The following FOCAD variants were observed in gnomAD, a reference collection of about 807,000 sequenced individuals.
The protein encoded by FOCAD is KIAA1797.
In FOCAD, 198 loss-of-function variants were observed where a neutral mutation model predicts 225.6. The ratio of observed to expected loss-of-function variants is 0.88; its 90% CI spans 0.78 to 0.99. FOCAD has a LOEUF of 0.99. Among genes scored for constraint, FOCAD ranks in the 50% least tolerant of loss-of-function variants. FOCAD has a pLI of 0.00. For synonymous variants in FOCAD, 897 were observed against 755.0 expected, an observed-to-expected ratio of 1.19 and a Z score of -3.08; for missense variants, 2,713 against 2,123.6, an observed-to-expected ratio of 1.28 and a Z score of -5.46.
chr9:20,687,124 G>T (rs750236728), intron 1 of FOCAD, among the ~76,000 whole-genome samples: 1 of 151,786 alleles, frequency 6.6e-6, no homozygotes, highest in Non-Finnish European at 1.5e-5. Flanking sequence ...TTTTGAAGAT[G>T]TTCCAAAACC....
intron 35 of FOCAD, among the ~76,000 whole-genome samples, chr9:20,963,218 A>AT (rs1391537175): frequency 1.3e-5 from 2 of 152,098 alleles, no homozygotes; most frequent in African/African-American, 2.4e-5. Flanking sequence ...GACTGATGTG[A>AT]TTTTTCAACC....
At chr9:20,764,008 AT>A (rs1457427308) in intron 6 of FOCAD, among the ~76,000 whole-genome samples, 1 of 152,148 alleles carries the variant, frequency 6.6e-6, no homozygotes, top group African/African-American at 2.4e-5. Context: ...TAAGGATAAT[AT>A]TATTTTTTAT....
chr9:20,693,704 CTATTTATTTATT>C (rs34849960), intron 1 of FOCAD, among the ~76,000 whole-genome samples: 1 of 151,598 alleles, frequency 6.6e-6, no homozygotes, highest in South Asian at 2.1e-4. Context: ...TTTGCAATCA[CTATTTATTTATT>C]TATTTATTTA....
In FOCAD at chr9:20,935,493, C is replaced by T. The variant is rs745392483; in HGVS notation, c.3407+2390C>T. ...TTGGCTCACTGCAACCTCCGCCTCC[C>T]GAGTTCAAGTGATTCTCCTGCCTCA... On this transcript the variant is annotated intron_variant, in intron 28 of 43. Coordinates refer to ENST00000338382, the MANE Select transcript of FOCAD (RefSeq NM_001375567.1). 7.2e-5 allele frequency among the ~76,000 whole-genome samples: 11 copies of T among 152,130 alleles called. No individual in the cohort carries two copies. In the East Asian group the frequency reaches 9.6e-4, roughly 13 times the overall value.
chr9:20,927,215 A>G (rs1564162980), intron 26 of FOCAD, among the ~76,000 whole-genome samples: 1 of 151,966 alleles, frequency 6.6e-6, no homozygotes, highest in African/African-American at 2.4e-5. Context: ...CTAGTCATAG[A>G]TTTTTTTCAT....
At chr9:20,913,139 T>C (rs1230335848) in intron 23 of FOCAD, among the ~76,000 whole-genome samples, 185 bp downstream of exon 23, 1 of 116,140 alleles carries the variant, frequency 8.6e-6, no homozygotes, top group African/African-American at 3.4e-5. Flanking sequence ...ATTTATAAAT[T>C]ATACATACAC....
chr9:20,710,938 G>A lies in FOCAD; in HGVS notation c.-32-4384G>A, dbSNP rs1056228828. 3.3e-5 allele frequency among the ~76,000 whole-genome samples: 5 copies of A among 152,150 alleles called. No individual in the cohort carries two copies. In the East Asian group the frequency reaches 9.6e-4, roughly 29 times the overall value. On this transcript the variant is annotated intron_variant, in intron 1 of 43. Transcript: ENST00000338382. ...AACTATGGGCCACCCACTTCTTTTT[G>A]TAAATAAAGTTTGATCAGAACACAG... is the stretch of plus-strand genomic sequence containing the variant.
Position 20,923,757 on chromosome 9 carries a change from G to C in FOCAD, c.2950G>C (p.Gly984Arg). 6.2e-7 allele frequency: 1 copy of C among 1,613,196 alleles called. No individual in the cohort carries two copies. Among genetic ancestry groups the C allele is most frequent in the African/African-American group, 1.3e-5 (1 of 75,008 alleles). Residue 984 changes from glycine (G) to arginine (R), a missense_variant, in exon 25 of 44, where the codon GGG becomes CGG. Physicochemically the swap from Gly to Arg is moderately radical, Grantham distance 125. Transcript: ENST00000338382. ...AGCCAGCCTCTCCTCAGACTCTGAC[G>C]GGCTCCTGGAGGTTAGTTGGGGTGA... Reference protein sequence around the residue: ...HEASLSSDSDGLLEVQPNFLS... With the variant: ...HEASLSSDSDRLLEVQPNFLS...
chr9:20,894,453 A>C lies in FOCAD; in HGVS notation c.2625+9223A>C, dbSNP rs532559936. ...TTTGGTTTTGGTAAAAAATGGCCAA[A>C]ACATCTTCCAAAGTGGCTATACCAT... On this transcript the variant is annotated intron_variant, in intron 21 of 43. Coordinates refer to ENST00000338382, the MANE Select transcript of FOCAD (RefSeq NM_001375567.1). Among the ~76,000 whole-genome samples the C allele has an allele frequency of 7.9e-5, 12 of 152,186 alleles. No homozygotes were observed. In the East Asian group the frequency reaches 2.1e-3, roughly 27 times the overall value.
intron 9 of FOCAD, among the ~76,000 whole-genome samples, chr9:20,780,046 T>G (rs1373657555): frequency 6.6e-6 from 1 of 152,238 alleles, no homozygotes; most frequent in Non-Finnish European, 1.5e-5. Context: ...CTGGTACTTC[T>G]GACAGCAATA....
rs117748510 is a variant in FOCAD, at chr9:20,923,697, C to T, written c.2890C>T (p.Leu964=). 6.2e-7 allele frequency: 1 copy of T among 1,614,090 alleles called. No individual in the cohort carries two copies. The highest frequency in any genetic ancestry group is 8.5e-7 in the Non-Finnish European group (1 of 1,179,960). The change falls in exon 25 of 44, where the codon CTA becomes TTA. Residue 964 remains leucine (L), a synonymous_variant. Transcript: ENST00000338382. The part of the protein sequence containing the change: ...PVVKGNALLA[L]SSLAVVVSRH... ...AGTGAAAGGCAATGCGCTGTTAGCT[C>T]TAAGCAGCCTTGCTGTCGTCGTATC...
rs748130280 is a variant in FOCAD, at chr9:20,866,933, C to T, written c.2111C>T (p.Pro704Leu). 2 of 551,584 alleles carry T rather than the reference C, an allele frequency of 3.6e-6. No individual in the cohort carries two copies. The highest frequency in any genetic ancestry group is 6.2e-6 in the Non-Finnish European group (2 of 320,368). 34.2% of individuals were successfully genotyped at this position (551,584 alleles called of 1,614,324 possible). The change falls in exon 18 of 44, where the codon CCA becomes CTA. Residue 704 changes from proline (P) to leucine (L), a missense_variant. Physicochemically the swap from Pro to Leu is moderately conservative, Grantham distance 98. Transcript: ENST00000338382. ...FLWTHTQNKD[P>L]IVANAAYRSL... ...TTTTTTTTTTACCCTATCTAGGACCCAATTGTAGCAAATGCTGCATATAGA... is the reference window on the plus strand; with the variant it reads ...TTTTTTTTTTACCCTATCTAGGACCTAATTGTAGCAAATGCTGCATATAGA...
intron 2 of FOCAD, among the ~76,000 whole-genome samples, chr9:20,667,227 G>C (rs1398904859): frequency 6.6e-6 from 1 of 151,972 alleles, no homozygotes; most frequent in Non-Finnish European, 1.5e-5. Flanking sequence ...TTATCATCTT[G>C]ATCAATTAAA....
intron 24 of FOCAD, among the ~76,000 whole-genome samples, chr9:20,921,537 G>C (rs1437160385): frequency 6.6e-6 from 1 of 152,174 alleles, no homozygotes; most frequent in African/African-American, 2.4e-5. Flanking sequence ...CTATCCATAA[G>C]TCATTGTGGC....
At chr9:20,820,473 C>A in intron 13 of FOCAD, 48 bp downstream of exon 13, 1 of 1,470,256 alleles carries the variant, frequency 6.8e-7, no homozygotes, top group Non-Finnish European at 9.5e-7. Context: ...GTTCCTTTCA[C>A]TGAAGGAAAA....
At chr9:20,920,409 T>C (rs1834297710) in intron 24 of FOCAD, among the ~76,000 whole-genome samples, 1 of 124,734 alleles carries the variant, frequency 8.0e-6, no homozygotes, top group South Asian at 3.2e-4. Flanking sequence ...GTGTGGCGAT[T>C]CCTCAGGGAT....
intron 5 of FOCAD, among the ~76,000 whole-genome samples, chr9:20,752,660 A>G (rs1290024209): frequency 6.6e-6 from 1 of 152,060 alleles, no homozygotes; most frequent in East Asian, 1.9e-4. Context: ...TTGGTTCCAT[A>G]TGAACTTTAA....
chr9:20,936,639 T>C (rs1405009195), intron 28 of FOCAD, among the ~76,000 whole-genome samples: 1 of 152,082 alleles, frequency 6.6e-6, no homozygotes, highest in African/African-American at 2.4e-5. Context: ...CTGTCCTGGT[T>C]AACACGGTGA....
chr9:20,881,996 A>G lies in FOCAD; in HGVS notation c.2443A>G (p.Asn815Asp). The change falls in exon 20 of 44, where the codon AAT (asparagine) becomes GAT (aspartate). Residue 815 changes from asparagine to aspartate, a missense_variant. Transcript: ENST00000338382. ...DQGKTVAGIP[N>D]FILKMYETNK... ...AGGAAAGACTGTAGCAGGAATCCCC[A>G]ATTTTATATTGAAAATGTATGAAAC... The G allele has an allele frequency of 6.2e-7, 1 of 1,613,982 alleles. No individual in the cohort carries two copies. Among genetic ancestry groups the G allele is most frequent in the Non-Finnish European group, 8.5e-7 (1 of 1,179,880 alleles).
Sources: allele counts gnomAD v4.1 joint callset (sites outside exome capture counted in the v4.1 genomes callset), GRCh38; gene constraint gnomAD v4.1.1; transcripts MANE v1.5; gene names NCBI Gene and HGNC (gene_info 2026-07-23, HGNC 2026-07-21).